The following PPP1R9A variants were observed in gnomAD, a reference collection of about 807,000 sequenced individuals.
PPP1R9A encodes protein phosphatase 1 regulatory subunit 9A.
Under a neutral mutation model 141.9 loss-of-function variants are expected in PPP1R9A, and 59 were observed. The observed-to-expected ratio is 0.42, with a 90% CI of 0.34 to 0.52. The LOEUF (loss-of-function observed/expected upper bound fraction) is 0.52, where lower values mean the gene tolerates loss of function less well. PPP1R9A is among the 20% of genes least tolerant of loss of function. The pLI, the probability that PPP1R9A is intolerant of heterozygous loss-of-function variation, is 0.10. For synonymous variants in PPP1R9A, 500 were observed against 569.7 expected, an observed-to-expected ratio of 0.88 and a Z score of 1.74; for missense variants, 1,444 against 1,611.9, an observed-to-expected ratio of 0.90 and a Z score of 1.78.
Position 95,292,780 on chromosome 7 carries a change from A to T in PPP1R9A, c.*2477A>T, listed in dbSNP as rs1218594837. On this transcript the variant is annotated 3_prime_UTR_variant, in exon 20 of 20. Transcript: ENST00000433360. ...AAAAGTCATTTGGTTTGATTGCCCCACAAAGCATAAGATGTAAACTGATTA... is the reference window on the plus strand; with the variant it reads ...AAAAGTCATTTGGTTTGATTGCCCCTCAAAGCATAAGATGTAAACTGATTA... The T allele has an allele frequency of 6.6e-6, 1 of 152,214 alleles. No homozygotes were observed. The highest frequency in any genetic ancestry group is 6.5e-5 in the Admixed American group (1 of 15,278). 9.4% of individuals were successfully genotyped at this position (152,214 alleles called of 1,614,324 possible). A position where few individuals can be genotyped will look rare whatever the true frequency, so the allele number is the denominator to read the frequency against.
intron 16 of PPP1R9A, among the ~76,000 whole-genome samples, chr7:95,283,336 A>T (rs1399088250): frequency 1.3e-5 from 2 of 152,210 alleles, no homozygotes; most frequent in African/African-American, 4.8e-5. Context: ...TTCTTAACAA[A>T]CACATATGAG....
At chr7:94,954,366 T>G (rs953547058) in intron 2 of PPP1R9A, among the ~76,000 whole-genome samples, 4 of 152,054 alleles carry the variant, frequency 2.6e-5, no homozygotes, top group African/African-American at 9.6e-5. Flanking sequence ...TAAGTATATA[T>G]AAGTTTAGAC....
At chr7:94,985,656 A>G (rs1563083314) in intron 2 of PPP1R9A, among the ~76,000 whole-genome samples, 2 of 149,184 alleles carry the variant, frequency 1.3e-5, no homozygotes, top group Admixed American at 6.7e-5. Context: ...TCCTGCTTTT[A>G]TTTTTTTTTG....
intron 2 of PPP1R9A, among the ~76,000 whole-genome samples, chr7:94,930,087 C>T (rs1793965584): frequency 2.0e-5 from 3 of 152,000 alleles, no homozygotes; most frequent in Non-Finnish European, 2.9e-5. Context: ...TTGCAAAATA[C>T]GAGGGATGAA....
intron 2 of PPP1R9A, among the ~76,000 whole-genome samples, chr7:94,955,600 A>T (rs1005529155): frequency 2.6e-5 from 4 of 152,140 alleles, no homozygotes; most frequent in Non-Finnish European, 5.9e-5. Flanking sequence ...GGGCACTGAA[A>T]CGGGTATAGC....
chr7:95,001,863 A>G (rs1226003429), intron 2 of PPP1R9A, among the ~76,000 whole-genome samples: 1 of 152,200 alleles, frequency 6.6e-6, no homozygotes, highest in Non-Finnish European at 1.5e-5. Flanking sequence ...ACAAACAAAA[A>G]AAACACAAGG....
At chr7:95,094,903 A>AAAAAAAC (rs1817828995) in intron 2 of PPP1R9A, among the ~76,000 whole-genome samples, 4 of 148,812 alleles carry the variant, frequency 2.7e-5, no homozygotes, top group Admixed American at 6.7e-5. Flanking sequence ...AAAAAAAAAA[A>AAAAAAAC]AAGGAACAAA....
chr7:94,908,064 G>A (rs1790974407), intron 1 of PPP1R9A: 1 of 150,452 alleles, frequency 6.6e-6, no homozygotes, highest in Non-Finnish European at 1.5e-5. Flanking sequence ...GTCCACCGTG[G>A]GGCGGGGGGC....
intron 8 of PPP1R9A, among the ~76,000 whole-genome samples, chr7:95,234,859 C>T (rs1424213993): frequency 6.6e-6 from 1 of 152,082 alleles, no homozygotes; most frequent in East Asian, 1.9e-4. Context: ...CAGAAATAAA[C>T]CCAAATATTT....
intron 2 of PPP1R9A, among the ~76,000 whole-genome samples, chr7:94,943,529 G>C (rs561669902): frequency 6.6e-6 from 1 of 152,250 alleles, no homozygotes; most frequent in South Asian, 2.1e-4. Flanking sequence ...ACTTTGATTA[G>C]GTCTGTTACT....
At chr7:95,227,991 A>G (rs1166987288) in intron 8 of PPP1R9A, among the ~76,000 whole-genome samples, 1 of 152,120 alleles carries the variant, frequency 6.6e-6, no homozygotes, top group East Asian at 1.9e-4. Context: ...TGTCACTATC[A>G]TAGTCTTAAA....
At chr7:95,196,527 G>A (rs1836306528) in intron 5 of PPP1R9A, among the ~76,000 whole-genome samples, 1 of 152,022 alleles carries the variant, frequency 6.6e-6, no homozygotes, top group East Asian at 1.9e-4. Context: ...AATGTTTATA[G>A]TAACTTTCTT....
In PPP1R9A at chr7:94,910,481, G is replaced by A; in HGVS notation, c.368G>A (p.Arg123Gln). ...AAGTTGGAGTCTTCTGTTTCTGAAC[G>A]AATTAGTAGATTTGACACTATGTAC... ...VVKLESSVSE[R>Q]ISRFDTMYDG... Residue 123 changes from arginine to glutamine, a missense_variant, in exon 2 of 20, where the codon CGA (arginine) becomes CAA (glutamine). This residue lies in a region of PPP1R9A where 490 missense variants were observed against 521.1 expected (regional missense o/e 0.94). Coordinates refer to ENST00000433360, the MANE Select transcript of PPP1R9A (RefSeq NM_001166160.2). This position sits in a 1 kb window ranked among gnomAD's most constrained non-coding sequence, Gnocchi z 4.5. 1 of 1,614,154 alleles carries A rather than the reference G, an allele frequency of 6.2e-7. No individual in the cohort carries two copies. The highest frequency in any genetic ancestry group is 8.5e-7 in the Non-Finnish European group (1 of 1,180,032).
chr7:95,098,416 C>T (rs1370474343), intron 2 of PPP1R9A: 1 of 150,868 alleles, frequency 6.6e-6, no homozygotes, highest in Non-Finnish European at 1.5e-5. Context: ...AAAAAAAGAC[C>T]ATCATAGTAC....
chr7:94,941,197 T>G (rs1795299690), intron 2 of PPP1R9A, among the ~76,000 whole-genome samples: 1 of 152,058 alleles, frequency 6.6e-6, no homozygotes, highest in South Asian at 2.1e-4. Context: ...GCAGTGGCAT[T>G]TAGAAGCTGT....
chr7:95,283,450 G>A lies in PPP1R9A; in HGVS notation c.3297-568G>A, dbSNP rs115909930. 1.5e-3 allele frequency among the ~76,000 whole-genome samples: 225 copies of A among 152,320 alleles called. 1 individual carries two copies. The highest frequency in any genetic ancestry group is 5.1e-3 in the African/African-American group (211 of 41,584). ...GTAAACCCTGGCCCTCCAAGTGGGAGATGAGGACTTCAGATCTCCTACGCC... is the reference window on the plus strand; with the variant it reads ...GTAAACCCTGGCCCTCCAAGTGGGAAATGAGGACTTCAGATCTCCTACGCC... On this transcript the variant is annotated intron_variant, in intron 16 of 19. Coordinates refer to ENST00000433360, the MANE Select transcript of PPP1R9A (RefSeq NM_001166160.2).
At chr7:94,926,120 G>A (rs1020302733) in intron 2 of PPP1R9A, among the ~76,000 whole-genome samples, 1 of 152,070 alleles carries the variant, frequency 6.6e-6, no homozygotes, top group Non-Finnish European at 1.5e-5. Flanking sequence ...GGCCACTGCT[G>A]GGCTAACATT....
rs201076078 is a variant in PPP1R9A at position 95,238,680 on chromosome 7, T to C, written c.2113-8793T>C. Among the ~76,000 whole-genome samples, 11 of 152,314 alleles carry C rather than the reference T, an allele frequency of 7.2e-5. No individual in the cohort carries two copies. The East Asian group carries it at 1.4e-3, about 19-fold the overall frequency. On this transcript the variant is annotated intron_variant, in intron 8 of 19. Coordinates refer to ENST00000433360, the MANE Select transcript of PPP1R9A (RefSeq NM_001166160.2). ...TAGCTCATGTTAGTTTGCTATGTTGTACTGCACTGGCACTTTCCCCCTCCC... is the reference window on the plus strand; with the variant it reads ...TAGCTCATGTTAGTTTGCTATGTTGCACTGCACTGGCACTTTCCCCCTCCC...
chr7:95,059,122 A>C (rs904727979), intron 2 of PPP1R9A, among the ~76,000 whole-genome samples: 1 of 152,088 alleles, frequency 6.6e-6, no homozygotes, highest in Non-Finnish European at 1.5e-5. Flanking sequence ...TTAGTTATTC[A>C]TGTATCACCT....
Sources: gnomAD v4.1 joint callset for allele counts (sites outside exome capture counted in the v4.1 genomes callset) on GRCh38, gnomAD v4.1.1 for gene constraint, gnomAD v4.1.1 regional missense constraint, Gnocchi (gnomAD v3.1) non-coding constraint, MANE v1.5 for transcripts, NCBI Gene and HGNC (gene_info 2026-07-23, HGNC 2026-07-21) for gene names.